Variants in DYNC2H1 observed in about 807,000 individuals in gnomAD.
DYNC2H1 encodes cytoplasmic dynein 2 heavy chain 1.
A neutral mutation model predicts 570.0 loss-of-function variants in DYNC2H1; 410 were observed. The ratio of observed to expected loss-of-function variants is 0.72; its 90% confidence interval spans 0.66 to 0.78. The LOEUF is 0.78. Ranked by LOEUF, DYNC2H1 falls within the 30% of genes least tolerant of loss-of-function variation. The pLI is 0.00. For synonymous variants in DYNC2H1, 1,688 were observed against 1,677.6 expected (o/e 1.01, Z -0.15); for missense variants, 4,865 against 5,046.4 (o/e 0.96, Z 1.09).
intron 70 of DYNC2H1, among the ~76,000 whole-genome samples, chr11:103,274,155 CAT>C (rs71465389): frequency 6.6e-6 from 1 of 150,534 alleles, no homozygotes; most frequent in South Asian, 2.1e-4. Flanking sequence ...TATACACACA[CAT>C]ATATATATAT....
At chr11:103,344,348 G>C (rs313418) in intron 82 of DYNC2H1, among the ~76,000 whole-genome samples, 6 of 151,972 alleles carry the variant, frequency 3.9e-5, no homozygotes, top group Admixed American at 2.0e-4. Context: ...TTTTCCTCCA[G>C]TCACTCCCCA....
At chr11:103,269,078 A>C (rs2135301000) in intron 70 of DYNC2H1, among the ~76,000 whole-genome samples, 1 of 152,282 alleles carries the variant, frequency 6.6e-6, no homozygotes, top group East Asian at 1.9e-4. Context: ...GAGAGGCTTA[A>C]GCTTATTAAT....
intron 78 of DYNC2H1, among the ~76,000 whole-genome samples, chr11:103,310,692 T>TTTTC: frequency 1.1e-5 from 1 of 86,994 alleles, no homozygotes; most frequent in Non-Finnish European, 2.1e-5. Context: ...TTTTTTTTTT[T>TTTTC]TTTTTTGGGA....
In DYNC2H1 at chr11:103,252,100, A is replaced by AT. The variant is rs35814518; in HGVS notation, c.10043-1170dup. Among the ~76,000 whole-genome samples, 419 of 142,384 alleles carry AT rather than the reference A, an allele frequency of 2.9e-3. 1 individual carries two copies. The highest frequency in any genetic ancestry group is 6.7e-3 in the African/African-American group (259 of 38,920). 93.4% of individuals were successfully genotyped at this position (142,384 alleles called of 152,430 possible). A position where few individuals can be genotyped will look rare whatever the true frequency, so the allele number is the denominator to read the frequency against. ...CCATCATGCCCAGCTAATTAAAAAC[A>AT]TTTTTTTTTTTTTTTGCAAAGACGA... On this transcript the variant is annotated intron_variant, in intron 65 of 88. Coordinates refer to ENST00000375735, the MANE Select transcript of DYNC2H1 (RefSeq NM_001377.3). This position sits in a 1 kb window ranked among gnomAD's most constrained non-coding sequence, Gnocchi z 4.6.
chr11:103,316,631 A>C lies in DYNC2H1; in HGVS notation c.11725+11A>C. On this transcript the variant is annotated intron_variant, in intron 80 of 88. Coordinates refer to ENST00000375735, the MANE Select transcript of DYNC2H1 (RefSeq NM_001377.3). ...ACAGACTTTTTGATGGTAAGTTCTA[A>C]CAAAAATTTTAATCTCATATTAATA... 2.0e-6 allele frequency: 3 copies of C among 1,495,164 alleles called. No homozygotes were observed. The highest frequency in any genetic ancestry group is 2.7e-6 in the Non-Finnish European group (3 of 1,123,780). The allele number at this position is 1,495,164 out of a possible 1,614,324, so 92.6% of individuals were successfully genotyped here. A position where few individuals can be genotyped will look rare whatever the true frequency, so the allele number is the denominator to read the frequency against.
intron 48 of DYNC2H1, among the ~76,000 whole-genome samples, chr11:103,198,603 AT>A (rs1862594341): frequency 6.6e-6 from 1 of 152,208 alleles, no homozygotes; most frequent in East Asian, 1.9e-4. Flanking sequence ...TAATATTTAT[AT>A]TGAATGTTAG....
chr11:103,324,135 A>G lies in DYNC2H1; in HGVS notation c.12039+145A>G, dbSNP rs1264551416. 4 of 419,044 alleles carry G rather than the reference A, an allele frequency of 9.5e-6. No homozygotes were observed. The highest frequency in any genetic ancestry group is 4.4e-5 in the Admixed American group (1 of 22,552). The allele number at this position is 419,044 out of a possible 1,614,324, so 26.0% of individuals were successfully genotyped here. ...AACACATTCCAGTTTTACTTTAAAT[A>G]TATTTTTTAAAATATTTGATTTTCT... On this transcript the variant is annotated intron_variant, in intron 82 of 88. Transcript: ENST00000375735. The surrounding 1 kb of genome is among the most constrained non-coding windows in gnomAD (Gnocchi z 5.2).
intron 81 of DYNC2H1, among the ~76,000 whole-genome samples, chr11:103,322,233 GAATA>G (rs1016116443): frequency 1.3e-5 from 2 of 152,054 alleles, no homozygotes; most frequent in African/African-American, 2.4e-5. Flanking sequence ...TAGAGGGAAT[GAATA>G]AATAGAGAAT....
rs1310222444 is a variant in DYNC2H1, at chr11:103,203,722, G to A, written c.8257G>A (p.Asp2753Asn). The change falls in exon 51 of 89, where the codon GAT becomes AAT. Residue 2753 changes from aspartate (D) to asparagine (N), a missense_variant. Transcript: ENST00000375735. The surrounding 1 kb of genome is among the most constrained non-coding windows in gnomAD (Gnocchi z 4.7). ...ELEPLLLPLK[D>N]QASQDGFFGP... ...AGAGCCCTTGCTGTTACCACTTAAG[G>A]ATCAAGCTTCACAAGATGGTTTTTT... is the stretch of plus-strand genomic sequence containing the variant. 2 of 1,612,254 alleles carry A rather than the reference G, an allele frequency of 1.2e-6. No homozygotes were observed. The highest frequency in any genetic ancestry group is 1.7e-6 in the Non-Finnish European group (2 of 1,179,184).
At chr11:103,307,693 A>C (rs774801429) in intron 77 of DYNC2H1, 28 bp from the exon 78 acceptor site, 1 of 1,295,158 alleles carries the variant, frequency 7.7e-7, no homozygotes, top group East Asian at 2.5e-5. Context: ...TATTTAAGTA[A>C]ATTTTTGTCA....
chr11:103,344,795 G>C (rs892203197), intron 82 of DYNC2H1, among the ~76,000 whole-genome samples: 6 of 152,024 alleles, frequency 3.9e-5, no homozygotes, highest in African/African-American at 1.4e-4. Flanking sequence ...AAGAATATAT[G>C]TAACTTTAAT....
intron 70 of DYNC2H1, among the ~76,000 whole-genome samples, chr11:103,273,107 A>G (rs137856650): frequency 4.7e-4 from 71 of 151,174 alleles, no homozygotes; most frequent in African/African-American, 1.6e-3. Flanking sequence ...GCCTTAATTT[A>G]TTCATTTTTT....
intron 82 of DYNC2H1, among the ~76,000 whole-genome samples, chr11:103,344,614 A>G (rs1939643137): frequency 1.3e-5 from 2 of 152,256 alleles, no homozygotes; most frequent in Admixed American, 1.3e-4. Flanking sequence ...TACCTTACCA[A>G]ACAGACTGTT....
At chr11:103,429,547 TCTAA>T (rs1419873011) in intron 84 of DYNC2H1, among the ~76,000 whole-genome samples, 9 of 152,288 alleles carry the variant, frequency 5.9e-5, no homozygotes, top group African/African-American at 2.2e-4. Flanking sequence ...TACAATCTGC[TCTAA>T]CTTTTATCAC....
At position 103,304,759 on chromosome 11, in the gene DYNC2H1, T is replaced by G. The variant is rs199634709; in HGVS notation, c.11382+39T>G. The G allele has an allele frequency of 5.9e-5, 93 of 1,583,410 alleles. No homozygotes were observed. In the East Asian group the frequency reaches 2.0e-3, roughly 33 times the overall value. On this transcript the variant is annotated intron_variant, in intron 77 of 88. Transcript: ENST00000375735. ...AATGTACAAATAATATCTATTATAC[T>G]CAACTTAGCAATCTCCAAGGGACAT...
intron 26 of DYNC2H1, among the ~76,000 whole-genome samples, chr11:103,158,255 G>A (rs1328077273): frequency 1.3e-5 from 2 of 152,154 alleles, no homozygotes; most frequent in Non-Finnish European, 1.5e-5. Context: ...AGACCATCGT[G>A]GCTAACACGG....
intron 55 of DYNC2H1, among the ~76,000 whole-genome samples, chr11:103,217,965 G>T (rs1452722193): frequency 6.6e-6 from 1 of 152,128 alleles, no homozygotes; most frequent in Non-Finnish European, 1.5e-5. Flanking sequence ...ATGAAAATAT[G>T]CTTAATTTCA....
At chr11:103,154,426 A>G (rs1441474915) in intron 22 of DYNC2H1, 25 bp from the exon 23 acceptor site, 1 of 1,500,738 alleles carries the variant, frequency 6.7e-7, no homozygotes, top group Admixed American at 2.8e-5. Flanking sequence ...TTTAAAATTT[A>G]ATATTTCAAT....
At chr11:103,421,851 C>T (rs764328370) in intron 84 of DYNC2H1, among the ~76,000 whole-genome samples, 83 of 150,490 alleles carry the variant, frequency 5.5e-4, no homozygotes, top group Non-Finnish European at 8.9e-4. Context: ...AAGAAATTAC[C>T]GAGATCAGAG....
Sources: allele counts gnomAD v4.1 joint callset (sites outside exome capture counted in the v4.1 genomes callset), GRCh38; gene constraint gnomAD v4.1.1; non-coding constraint Gnocchi (gnomAD v3.1); transcripts MANE v1.5; gene names NCBI Gene and HGNC (gene_info 2026-07-23, HGNC 2026-07-21).